The following PPARGC1A variants were observed in gnomAD, a reference collection of about 807,000 sequenced individuals.
PPARGC1A encodes peroxisome proliferator-activated receptor gamma coactivator 1-alpha.
A neutral mutation model predicts 88.7 loss-of-function variants in PPARGC1A; 25 were observed. That is an observed-to-expected ratio of 0.28 (90% CI 0.21 to 0.39). The LOEUF (loss-of-function observed/expected upper bound fraction) is 0.39. PPARGC1A is among the 10% of genes least tolerant of loss of function. The pLI, the probability that PPARGC1A is intolerant of heterozygous loss-of-function variation, is 1.00. For synonymous variants in PPARGC1A, 363 were observed against 355.6 expected, an observed-to-expected ratio of 1.02 and a Z score of -0.24; for missense variants, 880 against 968.7, an observed-to-expected ratio of 0.91 and a Z score of 1.22.
At chr4:24,064,263 T>A in the PPARGC1A span, among the ~76,000 whole-genome samples, 3 of 151,950 alleles carry the variant, frequency 2.0e-5, no homozygotes, top group African/African-American at 7.3e-5. Flanking sequence ...AGGGGGCTGG[T>A]GACAATGCGA....
chr4:24,404,956 A>G, the PPARGC1A span, among the ~76,000 whole-genome samples: 1 of 152,150 alleles, frequency 6.6e-6, no homozygotes, highest in South Asian at 2.1e-4. Flanking sequence ...GAATCCTTCA[A>G]TGATCACTTA....
the PPARGC1A span, among the ~76,000 whole-genome samples, chr4:24,354,843 C>T: frequency 1.3e-5 from 2 of 151,986 alleles, no homozygotes; most frequent in African/African-American, 2.4e-5. Flanking sequence ...GCCAAGATCA[C>T]GCGACTGCAC....
the PPARGC1A span, among the ~76,000 whole-genome samples, chr4:23,917,681 T>C: frequency 6.6e-6 from 1 of 152,178 alleles, no homozygotes; most frequent in South Asian, 2.1e-4. Context: ...ACTTAATCAA[T>C]GTTGTTTATT....
the PPARGC1A span, among the ~76,000 whole-genome samples, chr4:24,422,626 A>G: frequency 7.9e-6 from 1 of 126,780 alleles, no homozygotes; most frequent in African/African-American, 3.5e-5. Flanking sequence ...CTCTTTAAAA[A>G]TGAAAAAAAA....
chr4:24,472,864 G>A, the PPARGC1A span, among the ~76,000 whole-genome samples: 1 of 151,674 alleles, frequency 6.6e-6, no homozygotes, highest in Non-Finnish European at 1.5e-5. The surrounding 1 kb of genome is among the most constrained non-coding windows in gnomAD (Gnocchi z 4.5). Context: ...TGAGCGAGCC[G>A]GGATGGAGGC....
the PPARGC1A span, among the ~76,000 whole-genome samples, chr4:24,335,879 A>C: frequency 1.3e-5 from 2 of 152,214 alleles, no homozygotes; most frequent in African/African-American, 4.8e-5. Flanking sequence ...GCCTAGTGCT[A>C]CAATAGCTAA....
the PPARGC1A span, among the ~76,000 whole-genome samples, chr4:24,387,135 C>A: frequency 6.6e-6 from 1 of 152,050 alleles, no homozygotes; most frequent in Non-Finnish European, 1.5e-5. Flanking sequence ...AAACAAGCAA[C>A]GGGGAAAGGA....
At chr4:24,432,881 T>G in the PPARGC1A span, among the ~76,000 whole-genome samples, 4 of 152,224 alleles carry the variant, frequency 2.6e-5, no homozygotes, top group Admixed American at 1.3e-4. Context: ...TCTTTCATAA[T>G]GCAGCTCTGG....
At chr4:24,110,096 C>T in the PPARGC1A span, among the ~76,000 whole-genome samples, 1 of 152,162 alleles carries the variant, frequency 6.6e-6, no homozygotes, top group South Asian at 2.1e-4. Flanking sequence ...GACTTATTTG[C>T]CCTGCTCCAG....
At chr4:23,823,723 A>C (rs59902930) in intron 7 of PPARGC1A, among the ~76,000 whole-genome samples, 4,409 of 152,126 alleles carry the variant, frequency 0.029, 222 homozygotes, top group African/African-American at 0.1. Flanking sequence ...GTCTGCACAC[A>C]CATACACTAT....
At chr4:23,946,829 T>TACAC in the PPARGC1A span, among the ~76,000 whole-genome samples, 4 of 150,138 alleles carry the variant, frequency 2.7e-5, no homozygotes, top group African/African-American at 4.9e-5. Flanking sequence ...CACACACACA[T>TACAC]ACACACACAC....
the PPARGC1A span, among the ~76,000 whole-genome samples, chr4:24,065,525 C>G: frequency 6.6e-6 from 1 of 152,116 alleles, no homozygotes; most frequent in Admixed American, 6.5e-5. Context: ...AGAATTCATA[C>G]CTTGCTTCTG....
the PPARGC1A span, among the ~76,000 whole-genome samples, chr4:24,084,691 A>AT: frequency 6.6e-6 from 1 of 152,222 alleles, no homozygotes; most frequent in Non-Finnish European, 1.5e-5. Flanking sequence ...TATGAATCTG[A>AT]TATTTGAATC....
chr4:24,099,706 G>T, the PPARGC1A span, among the ~76,000 whole-genome samples: 1 of 152,172 alleles, frequency 6.6e-6, no homozygotes, highest in Non-Finnish European at 1.5e-5. Context: ...TCTTGTGGCT[G>T]TTGTAAAATG....
At chr4:24,288,742 T>C in the PPARGC1A span, among the ~76,000 whole-genome samples, 11 of 152,212 alleles carry the variant, frequency 7.2e-5, no homozygotes, top group African/African-American at 2.7e-4. Flanking sequence ...GAGGAATGGC[T>C]ATTTTAAAAA....
chr4:24,221,226 T>G, the PPARGC1A span, among the ~76,000 whole-genome samples: 1 of 152,290 alleles, frequency 6.6e-6, no homozygotes, highest in Non-Finnish European at 1.5e-5. Context: ...ATTCCTTAAA[T>G]TTTTACTATA....
intron 2 of PPARGC1A, among the ~76,000 whole-genome samples, chr4:23,847,258 C>G (rs550583923): frequency 6.6e-6 from 1 of 152,266 alleles, no homozygotes; most frequent in African/African-American, 2.4e-5. Context: ...TCAGTGAGAA[C>G]CAGCTGTGGC....
the PPARGC1A span, among the ~76,000 whole-genome samples, chr4:23,944,401 T>A: frequency 0.19 from 29,508 of 152,192 alleles, 3,938 homozygotes; most frequent in Non-Finnish European, 0.29. Flanking sequence ...GTATTTACCT[T>A]CTTGTCTCCC....
the PPARGC1A span, among the ~76,000 whole-genome samples, chr4:24,132,736 A>T: frequency 1.3e-5 from 2 of 152,052 alleles, no homozygotes; most frequent in Non-Finnish European, 2.9e-5. Flanking sequence ...GTATTCATGT[A>T]TTAACATTTG....
Sources: gnomAD v4.1 joint callset for allele counts (sites outside exome capture counted in the v4.1 genomes callset) on GRCh38, gnomAD v4.1.1 for gene constraint, Gnocchi (gnomAD v3.1) non-coding constraint, MANE v1.5 for transcripts, NCBI Gene and HGNC (gene_info 2026-07-23, HGNC 2026-07-21) for gene names.